Variants in STOX2 observed in about 807,000 individuals in gnomAD.
The protein encoded by STOX2 is storkhead box 2, also known as storkhead-box protein 2.
STOX2 carries 28 observed loss-of-function variants against 60.9 expected under a neutral mutation model. That is an observed-to-expected ratio of 0.46 (90% CI 0.34 to 0.63). STOX2 has a LOEUF of 0.63. Ranked by LOEUF, STOX2 falls within the 30% of genes least tolerant of loss-of-function variation. The pLI, the probability that STOX2 is intolerant of heterozygous loss-of-function variation, is 0.01. For synonymous variants in STOX2, 472 were observed against 463.9 expected (o/e 1.02, Z -0.22); for missense variants, 1,024 against 1,187.7 (o/e 0.86, Z 2.03).
intron 1 of STOX2, among the ~76,000 whole-genome samples, chr4:183,859,446 G>A (rs1303358183): frequency 6.6e-6 from 1 of 152,250 alleles, no homozygotes; most frequent in African/African-American, 2.4e-5. Context: ...AGCTGGCAGT[G>A]ACCAAAGAGG....
At chr4:183,911,157 A>C (rs1741767403) in intron 1 of STOX2, among the ~76,000 whole-genome samples, 1 of 8,124 alleles carries the variant, frequency 1.2e-4, no homozygotes, top group Non-Finnish European at 0.011. Flanking sequence ...AAATTGTTAG[A>C]CAAAACTTCT....
intron 1 of STOX2, among the ~76,000 whole-genome samples, chr4:183,997,485 A>T (rs376274328): frequency 6.6e-6 from 1 of 152,142 alleles, no homozygotes; most frequent in Non-Finnish European, 1.5e-5. Context: ...TCCCTGGAGG[A>T]TTTTATGCAG....
At chr4:183,855,015 A>G (rs961743154) in intron 1 of STOX2, among the ~76,000 whole-genome samples, 4 of 152,216 alleles carry the variant, frequency 2.6e-5, no homozygotes, top group African/African-American at 9.6e-5. Context: ...TGAAATATTA[A>G]TGTTTAAGCA....
chr4:183,849,948 T>C (rs1740075850), intron 1 of STOX2, among the ~76,000 whole-genome samples: 1 of 152,124 alleles, frequency 6.6e-6, no homozygotes, highest in Non-Finnish European at 1.5e-5. Flanking sequence ...GCATTTTCTT[T>C]TTTCTTTTCT....
intron 1 of STOX2, among the ~76,000 whole-genome samples, chr4:184,000,744 C>T (rs917787052): frequency 1.4e-5 from 2 of 138,382 alleles, no homozygotes; most frequent in African/African-American, 2.5e-5. Context: ...TATCCTTCCT[C>T]GACTCTCAGC....
chr4:183,843,968 A>G (rs2111134001), intron 1 of STOX2, among the ~76,000 whole-genome samples: 1 of 152,282 alleles, frequency 6.6e-6, no homozygotes, highest in Middle Eastern at 3.4e-3. Flanking sequence ...TCTGAAAATA[A>G]ATTATGTTTA....
intron 1 of STOX2, among the ~76,000 whole-genome samples, chr4:183,817,369 A>G (rs571609243): frequency 4.6e-5 from 7 of 152,330 alleles, no homozygotes; most frequent in Admixed American, 4.6e-4. Flanking sequence ...TGCTGGCTGC[A>G]GGGTCCGTCC....
At chr4:183,827,270 G>C (rs947553069) in intron 1 of STOX2, among the ~76,000 whole-genome samples, 1 of 152,172 alleles carries the variant, frequency 6.6e-6, no homozygotes, top group Non-Finnish European at 1.5e-5. Flanking sequence ...GGCCAAGGAG[G>C]GAGCATCGCT....
rs10661259 is a variant in STOX2, at chr4:183,802,613, C to CT, written c.364+4568dup. Among the ~76,000 whole-genome samples the CT allele has an allele frequency of 5.9e-3, 854 of 145,632 alleles. 9 individuals are homozygous for CT. Among genetic ancestry groups the CT allele is most frequent in the African/African-American group, 0.018 (725 of 39,358 alleles). On this transcript the variant is annotated intron_variant, in intron 1 of 2. Transcript: ENST00000513034. Reference sequence around the variant, plus strand: ...AGGCTGGTTGTATTAGTCCATTTTTCTTTTTTTTTTGAGGCGGAGTCTCGC... The same window carrying CT: ...AGGCTGGTTGTATTAGTCCATTTTTCTTTTTTTTTTTGAGGCGGAGTCTCGC...
At chr4:183,982,696 G>A (rs563093386) in intron 1 of STOX2, among the ~76,000 whole-genome samples, 1 of 152,288 alleles carries the variant, frequency 6.6e-6, no homozygotes, top group African/African-American at 2.4e-5. Flanking sequence ...TGTTAGGTGC[G>A]TTGTGAAACT....
chr4:183,891,379 T>C (rs1741211001), intron 1 of STOX2, among the ~76,000 whole-genome samples: 1 of 105,388 alleles, frequency 9.5e-6, no homozygotes, highest in African/African-American at 4.7e-5. Flanking sequence ...TATATATATA[T>C]ATATATATAT....
At chr4:183,948,950 TC>T (rs1560899095) in intron 1 of STOX2, among the ~76,000 whole-genome samples, 1 of 152,240 alleles carries the variant, frequency 6.6e-6, no homozygotes, top group Non-Finnish European at 1.5e-5. Flanking sequence ...AAATCTTAGA[TC>T]TTTCTTTCTC....
intron 1 of STOX2, among the ~76,000 whole-genome samples, chr4:183,915,439 T>C (rs1741904354): frequency 6.6e-6 from 1 of 152,178 alleles, no homozygotes; most frequent in African/African-American, 2.4e-5. Flanking sequence ...TTTTTCCTTT[T>C]TGGCTGCCCA....
At chr4:183,989,778 C>G (rs373810113) in intron 1 of STOX2, among the ~76,000 whole-genome samples, 11 of 152,118 alleles carry the variant, frequency 7.2e-5, no homozygotes, top group African/African-American at 2.7e-4. Flanking sequence ...AACATGACAA[C>G]GAAATGGTAA....
chr4:183,955,776 TTTTGC>T (rs1743227718), intron 1 of STOX2, among the ~76,000 whole-genome samples: 1 of 152,090 alleles, frequency 6.6e-6, no homozygotes, highest in Non-Finnish European at 1.5e-5. Context: ...TTTTTCTAGT[TTTTGC>T]TTTGTTTTGA....
intron 1 of STOX2, among the ~76,000 whole-genome samples, chr4:183,950,474 A>G (rs1743034642): frequency 6.6e-6 from 1 of 152,244 alleles, no homozygotes; most frequent in African/African-American, 2.4e-5. Context: ...CAAGGGCAGC[A>G]GAAAGTAATG....
intron 1 of STOX2, among the ~76,000 whole-genome samples, chr4:183,869,081 T>A (rs1740634260): frequency 6.6e-6 from 1 of 152,218 alleles, no homozygotes; most frequent in Admixed American, 6.5e-5. Flanking sequence ...AAACACTGAT[T>A]ATGTATTTAT....
At chr4:183,829,575 C>T (rs1739518426) in intron 1 of STOX2, among the ~76,000 whole-genome samples, 1 of 152,184 alleles carries the variant, frequency 6.6e-6, no homozygotes, top group Non-Finnish European at 1.5e-5. Flanking sequence ...CTGTCAGTCA[C>T]CAGCATAGGT....
At chr4:184,004,975 G>T (rs1050183368) in intron 2 of STOX2, among the ~76,000 whole-genome samples, 3 of 152,216 alleles carry the variant, frequency 2.0e-5, no homozygotes, top group African/African-American at 4.8e-5. Context: ...AATGTTAATA[G>T]ATACACTGTG....
Sources: allele counts gnomAD v4.1 joint callset (sites outside exome capture counted in the v4.1 genomes callset), GRCh38; gene constraint gnomAD v4.1.1; transcripts MANE v1.5; gene names NCBI Gene and HGNC (gene_info 2026-07-23, HGNC 2026-07-21).